Variants in EPS15 observed in about 807,000 individuals in gnomAD.
EPS15 encodes epidermal growth factor receptor substrate 15.
Under a neutral mutation model 113.8 loss-of-function variants are expected in EPS15, and 72 were observed. The ratio of observed to expected loss-of-function variants is 0.63; its 90% CI spans 0.52 to 0.77. The LOEUF (loss-of-function observed/expected upper bound fraction) is 0.77, where lower values mean the gene tolerates loss of function less well. Ranked by LOEUF, EPS15 falls within the 30% of genes least tolerant of loss-of-function variation. The pLI is 0.00. For synonymous variants in EPS15, 344 were observed against 363.4 expected (o/e 0.95, Z 0.61); for missense variants, 1,048 against 1,045.8 (o/e 1.00, Z -0.03).
intron 1 of EPS15, among the ~76,000 whole-genome samples, chr1:51,483,229 TGAGA>T (rs753375856): frequency 2.0e-5 from 3 of 151,996 alleles, no homozygotes; most frequent in African/African-American, 4.8e-5. Context: ...TAAGATATGT[TGAGA>T]GAGAGAGAAA....
intron 1 of EPS15, chr1:51,518,614 G>A (rs1026498250): frequency 6.5e-6 from 1 of 152,696 alleles, no homozygotes. Flanking sequence ...TGGAGGCGAG[G>A]CTAACTACAT....
chr1:51,423,504 C>T, intron 12 of EPS15: 2 of 985,356 alleles, frequency 2.0e-6, no homozygotes, highest in Non-Finnish European at 2.4e-6. Flanking sequence ...AGAGATAAGT[C>T]ACATGAAAAT....
intron 1 of EPS15, 46 bp from the exon 2 acceptor site, chr1:51,481,360 C>T (rs141669796): frequency 3.9e-5 from 33 of 837,536 alleles, no homozygotes; most frequent in Non-Finnish European, 6.2e-5. Flanking sequence ...TCATTAACTT[C>T]TATTAACATA....
chr1:51,420,104 G>A (rs1465070809), intron 13 of EPS15, among the ~76,000 whole-genome samples: 1 of 151,934 alleles, frequency 6.6e-6, no homozygotes, highest in African/African-American at 2.4e-5. Flanking sequence ...TGGAAAAATT[G>A]AACCATTTCG....
At chr1:51,397,034 T>C (rs1648019585) in intron 20 of EPS15, 1 of 152,078 alleles carries the variant, frequency 6.6e-6, no homozygotes, top group South Asian at 2.1e-4. Flanking sequence ...GTGCATGCTA[T>C]TACACCTCTA....
chr1:51,517,870 G>A (rs1644753777), intron 1 of EPS15, among the ~76,000 whole-genome samples: 1 of 152,142 alleles, frequency 6.6e-6, no homozygotes, highest in Admixed American at 6.5e-5. Flanking sequence ...CCTGGTTTCT[G>A]AGAAAACATT....
At position 51,399,062 on chromosome 1, in the gene EPS15, G is replaced by A; in HGVS notation, c.2022C>T (p.Phe674=). The change falls in exon 20 of 25, where the codon TTC becomes TTT. Residue 674 remains phenylalanine (F), a synonymous_variant. Transcript: ENST00000371733. ...TAATACTGCTATTGTTGGCTGCACT[G>A]AAAGGGTCAGTGCTTGAAGTGGCAA... The part of the protein sequence containing the change: ...DPFATSSTDP[F]SAANNSSITS... 6.2e-7 allele frequency: 1 copy of A among 1,614,064 alleles called. No individual in the cohort carries two copies. Among genetic ancestry groups the A allele is most frequent in the Non-Finnish European group, 8.5e-7 (1 of 1,179,942 alleles).
intron 12 of EPS15, among the ~76,000 whole-genome samples, chr1:51,433,139 C>T (rs1473600293): frequency 6.6e-6 from 1 of 152,122 alleles, no homozygotes; most frequent in East Asian, 1.9e-4. Flanking sequence ...AAGTAGAGGT[C>T]TATATATTTA....
intron 11 of EPS15, among the ~76,000 whole-genome samples, chr1:51,444,302 T>C (rs1652837523): frequency 6.6e-6 from 1 of 152,208 alleles, no homozygotes; most frequent in African/African-American, 2.4e-5. Context: ...CAATGAAGTT[T>C]TGAAAATTCT....
At position 51,361,254 on chromosome 1, in the gene EPS15, C is replaced by T. The variant is rs749132893; in HGVS notation, c.2461G>A (p.Glu821Lys). Residue 821 changes from glutamate to lysine, a missense_variant, in exon 24 of 25, where the codon GAA becomes AAA. By Grantham distance (56) the Glu-to-Lys change is moderately conservative (BLOSUM62 1). Coordinates refer to ENST00000371733, the MANE Select transcript of EPS15 (RefSeq NM_001981.3). ...GAAGTGAATGGATCACAAAATATTT[C>T]AGGATCTTTTTCTTTGGGGCTATCG... The part of the protein sequence containing the change: ...GNDSPKEKDP[E>K]IFCDPFTSAT... 15 of 1,613,904 alleles carry T rather than the reference C, an allele frequency of 9.3e-6. 1 individual carries two copies. In the East Asian group the frequency reaches 3.3e-4, roughly 36 times the overall value.
intron 1 of EPS15, among the ~76,000 whole-genome samples, chr1:51,481,756 C>A (rs1225824643): frequency 1.3e-5 from 2 of 152,206 alleles, no homozygotes; most frequent in Non-Finnish European, 2.9e-5. Context: ...AACTGACATA[C>A]AGAAAGGTAG....
intron 20 of EPS15, 40 bp from the exon 21 acceptor site, chr1:51,394,487 A>G (rs373280702): frequency 9.2e-5 from 121 of 1,316,738 alleles, no homozygotes; most frequent in Non-Finnish European, 1.2e-4. Context: ...GAGAGGCAAC[A>G]CTTCACAGCT....
Position 51,444,740 on chromosome 1 carries a change from T to C in EPS15, c.954+149A>G, listed in dbSNP as rs1652867339. 3 of 645,394 alleles carry C rather than the reference T, an allele frequency of 4.6e-6. No individual in the cohort carries two copies. The South Asian group carries it at 8.6e-5, about 18-fold the overall frequency. The allele number at this position is 645,394 out of a possible 1,614,324, so 40.0% of individuals were successfully genotyped here. A position where few individuals can be genotyped will look rare whatever the true frequency, so the allele number is the denominator to read the frequency against. ...TATACAAGGCACTCCAGCATATTTA[T>C]AGGCACAAACTAAACCACAAACAGT... On this transcript the variant is annotated intron_variant, in intron 11 of 24. Coordinates refer to ENST00000371733, the MANE Select transcript of EPS15 (RefSeq NM_001981.3).
chr1:51,408,490 A>T (rs1440766837), intron 14 of EPS15, among the ~76,000 whole-genome samples, 158 bp from the exon 15 acceptor site: 1 of 152,116 alleles, frequency 6.6e-6, no homozygotes, highest in African/African-American at 2.4e-5. Context: ...TTTGAGAGAG[A>T]GAGTCTTGCT....
At chr1:51,420,876 C>G (rs550726114) in intron 13 of EPS15, among the ~76,000 whole-genome samples, 18 of 152,186 alleles carry the variant, frequency 1.2e-4, no homozygotes, top group African/African-American at 4.1e-4. Flanking sequence ...AACAATGGGC[C>G]TAACACAATT....
At chr1:51,398,159 T>C (rs1013355497) in intron 20 of EPS15, among the ~76,000 whole-genome samples, 1 of 151,880 alleles carries the variant, frequency 6.6e-6, no homozygotes, top group Non-Finnish European at 1.5e-5. Context: ...GTTCACGCCA[T>C]TCTCCTGCCT....
chr1:51,362,677 T>C (rs947752545), intron 23 of EPS15, among the ~76,000 whole-genome samples: 1 of 152,156 alleles, frequency 6.6e-6, no homozygotes, highest in Non-Finnish European at 1.5e-5. Flanking sequence ...TTTACAATTG[T>C]ACATGCAATT....
chr1:51,409,986 C>T (rs970043842), intron 13 of EPS15, among the ~76,000 whole-genome samples: 5 of 151,310 alleles, frequency 3.3e-5, no homozygotes, highest in African/African-American at 1.2e-4. Flanking sequence ...CTGTTTTAAG[C>T]TCAATCTTTC....
At chr1:51,506,018 C>G (rs140835615) in intron 1 of EPS15, among the ~76,000 whole-genome samples, 3,331 of 152,204 alleles carry the variant, frequency 0.022, 32 homozygotes, top group Middle Eastern at 0.034. Flanking sequence ...TCCCGAGTAG[C>G]TAGAATTACA....
Sources: gnomAD v4.1 joint callset for allele counts (sites outside exome capture counted in the v4.1 genomes callset) on GRCh38, gnomAD v4.1.1 for gene constraint, MANE v1.5 for transcripts, NCBI Gene and HGNC (gene_info 2026-07-23, HGNC 2026-07-21) for gene names.